CLNK: variants seen among roughly 807,000 people sequenced by gnomAD.
CLNK encodes the protein cytokine dependent hematopoietic cell linker.
Under a neutral mutation model 68.6 loss-of-function variants are expected in CLNK, and 74 were observed. That is an observed-to-expected ratio of 1.08 (90% CI 0.89 to 1.31). The LOEUF (loss-of-function observed/expected upper bound fraction) is 1.31. Ranked by LOEUF, CLNK falls within the 50% of genes most tolerant of loss-of-function variation. The pLI, the probability that CLNK is intolerant of heterozygous loss-of-function variation, is 0.00. For missense variants in CLNK, 553 were observed against 515.3 expected, an observed-to-expected ratio of 1.07 and a Z score of -0.71; for synonymous variants, 198 against 172.2, an observed-to-expected ratio of 1.15 and a Z score of -1.17.
intron 15 of CLNK, among the ~76,000 whole-genome samples, chr4:10,516,196 A>G (rs962967077): frequency 7.2e-5 from 11 of 152,190 alleles, no homozygotes; most frequent in African/African-American, 2.7e-4. Flanking sequence ...TCTTTAGGAT[A>G]TATAAACATT....
At position 10,489,726 on chromosome 4, in the gene CLNK, G is replaced by A; in HGVS notation, c.*741C>T. ...CCCCAGGCTGGATTGGAGTGCAGTGGCGCGATTTCGGCTCACTGCAAGCTC... is the reference window on the plus strand; with the variant it reads ...CCCCAGGCTGGATTGGAGTGCAGTGACGCGATTTCGGCTCACTGCAAGCTC... On this transcript the variant is annotated 3_prime_UTR_variant, in exon 19 of 19. Transcript: ENST00000226951. 1 of 46,970 alleles carries A rather than the reference G, an allele frequency of 2.1e-5. No homozygotes were observed. The highest frequency in any genetic ancestry group is 5.5e-5 in the Non-Finnish European group (1 of 18,034). 2.9% of individuals were successfully genotyped at this position (46,970 alleles called of 1,614,324 possible).
the CLNK span, among the ~76,000 whole-genome samples, chr4:10,703,648 T>C: frequency 6.6e-6 from 1 of 152,214 alleles, no homozygotes; most frequent in African/African-American, 2.4e-5. Context: ...TTTGTAGTTA[T>C]GCAAACATCA....
chr4:10,530,740 C>T (rs1025250569), intron 12 of CLNK, among the ~76,000 whole-genome samples: 4 of 152,098 alleles, frequency 2.6e-5, no homozygotes, highest in East Asian at 1.9e-4. Context: ...AACTACTACT[C>T]GAGATACCCA....
At chr4:10,530,845 C>T (rs1289797490) in intron 12 of CLNK, among the ~76,000 whole-genome samples, 2 of 152,176 alleles carry the variant, frequency 1.3e-5, no homozygotes, top group African/African-American at 4.8e-5. Flanking sequence ...CCAGCCTGCT[C>T]CTTCCAGGTG....
chr4:10,581,718 A>G (rs528798153), intron 4 of CLNK, among the ~76,000 whole-genome samples: 1 of 152,096 alleles, frequency 6.6e-6, no homozygotes, highest in Non-Finnish European at 1.5e-5. Context: ...AATTGGTTGA[A>G]TGAATGGATG....
the CLNK span, among the ~76,000 whole-genome samples, chr4:10,710,376 G>GA: frequency 1.3e-5 from 2 of 152,012 alleles, no homozygotes; most frequent in East Asian, 1.9e-4. Flanking sequence ...AATATAAAAG[G>GA]AAAAAAAGTG....
chr4:10,512,200 T>C (rs2109037177), intron 16 of CLNK, among the ~76,000 whole-genome samples: 1 of 151,752 alleles, frequency 6.6e-6, no homozygotes, highest in Middle Eastern at 3.5e-3. Flanking sequence ...GGAAGCCGAG[T>C]GCATGACAAG....
chr4:10,535,945 C>T (rs1040798071), intron 11 of CLNK, among the ~76,000 whole-genome samples: 5 of 152,166 alleles, frequency 3.3e-5, no homozygotes, highest in South Asian at 2.1e-4. Flanking sequence ...CTCCAAACTT[C>T]GAAGTTCTCT....
intron 2 of CLNK, among the ~76,000 whole-genome samples, chr4:10,641,563 T>A (rs1488929211): frequency 6.6e-6 from 1 of 152,186 alleles, no homozygotes; most frequent in East Asian, 1.9e-4. Flanking sequence ...GACTAAGAGA[T>A]GTATTCCCCC....
intron 4 of CLNK, 98 bp downstream of exon 4, chr4:10,584,829 A>C: frequency 8.1e-7 from 1 of 1,229,228 alleles, no homozygotes; most frequent in Non-Finnish European, 1.2e-6. Context: ...AATAGGCCAT[A>C]GTTTTATTGA....
chr4:10,708,107 G>A, the CLNK span, among the ~76,000 whole-genome samples: 2 of 152,298 alleles, frequency 1.3e-5, no homozygotes, highest in East Asian at 3.9e-4. Flanking sequence ...AATGACAGGA[G>A]GAAGTGGCAG....
chr4:10,618,542 T>C (rs552018059), intron 2 of CLNK, among the ~76,000 whole-genome samples: 62 of 152,340 alleles, frequency 4.1e-4, no homozygotes, highest in African/African-American at 1.4e-3. Flanking sequence ...GCTGTTTTAG[T>C]TTATTCTTGC....
chr4:10,523,692 A>C (rs978075128), intron 14 of CLNK, among the ~76,000 whole-genome samples: 1 of 152,228 alleles, frequency 6.6e-6, no homozygotes, highest in Non-Finnish European at 1.5e-5. Flanking sequence ...TTTTTTCACT[A>C]TAATATAATG....
chr4:10,599,248 A>G (rs1426179077), intron 2 of CLNK, among the ~76,000 whole-genome samples: 5 of 152,118 alleles, frequency 3.3e-5, no homozygotes, highest in African/African-American at 7.2e-5. Flanking sequence ...ACACATGTAC[A>G]CAAAAAACTA....
At chr4:10,561,798 C>T (rs1007079613) in intron 7 of CLNK, among the ~76,000 whole-genome samples, 1 of 152,140 alleles carries the variant, frequency 6.6e-6, no homozygotes, top group Non-Finnish European at 1.5e-5. Flanking sequence ...AAGGCCAGAC[C>T]GAGAAAGTCT....
intron 2 of CLNK, among the ~76,000 whole-genome samples, chr4:10,656,807 T>G (rs993538769): frequency 6.6e-6 from 1 of 152,202 alleles, no homozygotes; most frequent in Non-Finnish European, 1.5e-5. Context: ...ACAACTCAAG[T>G]GTCTATTGAC....
chr4:10,550,411 T>C (rs1211553936), intron 8 of CLNK, among the ~76,000 whole-genome samples: 4 of 151,986 alleles, frequency 2.6e-5, no homozygotes, highest in African/African-American at 4.8e-5. Context: ...AGGAGAATGG[T>C]GTGAACCCGG....
chr4:10,646,875 T>C (rs1399887249), intron 2 of CLNK, among the ~76,000 whole-genome samples: 4 of 152,208 alleles, frequency 2.6e-5, no homozygotes, highest in Non-Finnish European at 5.9e-5. Flanking sequence ...TTCACAGCCA[T>C]AGATTTGGCA....
At chr4:10,643,406 T>A (rs1272369292) in intron 2 of CLNK, among the ~76,000 whole-genome samples, 5 of 152,266 alleles carry the variant, frequency 3.3e-5, no homozygotes, top group Admixed American at 2.6e-4. Flanking sequence ...ACAGTCCTTG[T>A]CCTGATGATG....
Sources: gnomAD v4.1 joint callset for allele counts (sites outside exome capture counted in the v4.1 genomes callset) on GRCh38, gnomAD v4.1.1 for gene constraint, MANE v1.5 for transcripts, NCBI Gene and HGNC (gene_info 2026-07-23, HGNC 2026-07-21) for gene names.